SCAPER: variants seen among roughly 807,000 people sequenced by gnomAD.
SCAPER encodes S phase cyclin A-associated protein in the endoplasmic reticulum.
In SCAPER, 98 loss-of-function variants were observed where a neutral mutation model predicts 182.2. The ratio of observed to expected loss-of-function variants is 0.54; its 90% CI spans 0.46 to 0.64. The LOEUF (loss-of-function observed/expected upper bound fraction) is 0.64, where lower values mean the gene tolerates loss of function less well. Among genes scored for constraint, SCAPER ranks in the 30% least tolerant of loss-of-function variants. SCAPER has a pLI of 0.00. For synonymous variants in SCAPER, 605 were observed against 564.6 expected (o/e 1.07, Z -1.01); for missense variants, 1,432 against 1,690.0 (o/e 0.85, Z 2.68).
Position 76,841,914 on chromosome 15 carries a change from A to C in SCAPER, c.213T>G (p.Cys71Trp). ...CTCCAGTCGTAGACGATGTTATTTT[A>C]CAGTCCACTGCAGTACTCTGGTGAA... is the stretch of plus-strand genomic sequence containing the variant. ...KTTKQSTAVD[C>W]KITSSTTGDK... The change falls in exon 5 of 32, where the codon TGT (cysteine) becomes TGG (tryptophan). Residue 71 changes from cysteine (C) to tryptophan (W), a missense_variant. Physicochemically the swap from Cys to Trp is radical, Grantham distance 215. Around this residue, in one of 5 missense-constraint regions of SCAPER, gnomAD observed 480 missense variants for 510.2 expected, o/e 0.94. Transcript: ENST00000563290. 2 of 1,613,832 alleles carry C rather than the reference A, an allele frequency of 1.2e-6. No homozygotes were observed. The highest frequency in any genetic ancestry group is 2.2e-5 in the South Asian group (2 of 91,082).
chr15:76,443,865 A>C (rs1354596593), intron 25 of SCAPER, among the ~76,000 whole-genome samples: 2 of 152,222 alleles, frequency 1.3e-5, no homozygotes, highest in Non-Finnish European at 2.9e-5. Flanking sequence ...TTCTGAAGAC[A>C]AAGCACAATC....
At chr15:76,474,788 C>T (rs1596862672) in intron 24 of SCAPER, among the ~76,000 whole-genome samples, 1 of 152,134 alleles carries the variant, frequency 6.6e-6, no homozygotes, top group Admixed American at 6.5e-5. Flanking sequence ...TTAAAGCATG[C>T]TACAGATGCT....
rs148375130 is a variant in SCAPER at position 76,890,149 on chromosome 15, C to T, written c.-59-6273G>A. 7.5e-3 allele frequency among the ~76,000 whole-genome samples: 1,137 copies of T among 152,272 alleles called. 16 individuals are homozygous for T. The highest frequency in any genetic ancestry group is 0.026 in the African/African-American group (1,083 of 41,556). On this transcript the variant is annotated intron_variant, in intron 1 of 31. Coordinates refer to ENST00000563290, the MANE Select transcript of SCAPER (RefSeq NM_020843.4). ...ACAAAGACACAATGTACCAGAATCT[C>T]TAGGACACATTTAACACAGTGGGTA...
chr15:76,709,720 CA>C (rs1200792723), intron 17 of SCAPER, among the ~76,000 whole-genome samples: 2 of 152,126 alleles, frequency 1.3e-5, no homozygotes, highest in Non-Finnish European at 2.9e-5. Context: ...TGCCATAACA[CA>C]AAAGCCAGAC....
At position 76,778,643 on chromosome 15, in the gene SCAPER, A is replaced by ATGTGTG. The variant is rs60597958; in HGVS notation, c.773-3532_773-3527dup. On this transcript the variant is annotated intron_variant, in intron 8 of 31. Coordinates refer to ENST00000563290, the MANE Select transcript of SCAPER (RefSeq NM_020843.4). ...TATTTAAACACATAAGTGTGAGTGT[A>ATGTGTG]TGTGTGTGTGTGTGTGTGTGTGTAT... 7.1e-3 allele frequency among the ~76,000 whole-genome samples: 1,060 copies of ATGTGTG among 148,740 alleles called. 9 individuals carry two copies. Among genetic ancestry groups the ATGTGTG allele is most frequent in the African/African-American group, 0.025 (1,007 of 40,760 alleles).
At chr15:76,825,317 T>C (rs935107754) in intron 5 of SCAPER, among the ~76,000 whole-genome samples, 2 of 152,188 alleles carry the variant, frequency 1.3e-5, no homozygotes, top group African/African-American at 2.4e-5. Context: ...TAACTGATGA[T>C]AGCTCCTATT....
intron 20 of SCAPER, among the ~76,000 whole-genome samples, chr15:76,678,565 A>G (rs888468934): frequency 6.6e-6 from 1 of 152,132 alleles, no homozygotes; most frequent in African/African-American, 2.4e-5. Context: ...CTGAAGGGTT[A>G]AAACTTATAT....
At chr15:76,822,514 T>C (rs767256932) in intron 5 of SCAPER, among the ~76,000 whole-genome samples, 1 of 152,206 alleles carries the variant, frequency 6.6e-6, no homozygotes, top group Non-Finnish European at 1.5e-5. Context: ...AAATACAACA[T>C]TTCCACTGAC....
chr15:76,361,255 T>C (rs939720672), intron 29 of SCAPER, among the ~76,000 whole-genome samples: 10 of 152,290 alleles, frequency 6.6e-5, no homozygotes, highest in Non-Finnish European at 1.3e-4. Context: ...TTCCTCCAAC[T>C]GTGACCACAT....
intron 1 of SCAPER, among the ~76,000 whole-genome samples, chr15:76,896,288 G>A (rs571434483): frequency 1.1e-4 from 16 of 152,016 alleles, no homozygotes; most frequent in Non-Finnish European, 1.8e-4. Flanking sequence ...GAGGATCACC[G>A]GAGCCTGGGG....
At chr15:76,534,777 C>G (rs1212199754) in intron 23 of SCAPER, among the ~76,000 whole-genome samples, 1 of 152,018 alleles carries the variant, frequency 6.6e-6, no homozygotes, top group Non-Finnish European at 1.5e-5. Context: ...CATTACAAAT[C>G]AAACTCTATT....
chr15:76,652,950 A>G (rs2055300625), intron 21 of SCAPER, among the ~76,000 whole-genome samples: 1 of 152,170 alleles, frequency 6.6e-6, no homozygotes, highest in Admixed American at 6.5e-5. Context: ...TTTGCTGACA[A>G]TATGATTCTA....
At chr15:76,571,367 T>A (rs926437966) in intron 23 of SCAPER, among the ~76,000 whole-genome samples, 6 of 152,246 alleles carry the variant, frequency 3.9e-5, no homozygotes, top group African/African-American at 9.6e-5. Context: ...AGATTTTTTT[T>A]AAAGCATAAC....
intron 23 of SCAPER, among the ~76,000 whole-genome samples, chr15:76,511,837 A>ATGTG (rs1458148092): frequency 3.3e-5 from 1 of 30,202 alleles, no homozygotes; most frequent in Admixed American, 4.6e-4. Context: ...TATTATATAT[A>ATGTG]TATATATGTG....
At chr15:76,721,881 A>C (rs1432169582) in intron 17 of SCAPER, among the ~76,000 whole-genome samples, 1 of 152,180 alleles carries the variant, frequency 6.6e-6, no homozygotes, top group African/African-American at 2.4e-5. Context: ...AACAGGGACA[A>C]TTTGACTTCC....
intron 10 of SCAPER, among the ~76,000 whole-genome samples, chr15:76,767,443 T>A (rs1395817269): frequency 1.3e-5 from 2 of 152,198 alleles, no homozygotes; most frequent in Non-Finnish European, 2.9e-5. Context: ...TCATTAAATA[T>A]AAAACCGAAA....
At chr15:76,547,491 T>A (rs955938282) in intron 23 of SCAPER, among the ~76,000 whole-genome samples, 1 of 152,136 alleles carries the variant, frequency 6.6e-6, no homozygotes, top group Non-Finnish European at 1.5e-5. Flanking sequence ...TTCTGAAGAA[T>A]TTTTTTAGTT....
chr15:76,760,793 A>G, intron 14 of SCAPER, among the ~76,000 whole-genome samples: 1 of 152,200 alleles, frequency 6.6e-6, no homozygotes, highest in Non-Finnish European at 1.5e-5. Flanking sequence ...TTGGAAAAAC[A>G]ATATTATCCT....
At chr15:76,869,743 T>C (rs1850525421) in intron 2 of SCAPER, among the ~76,000 whole-genome samples, 1 of 152,138 alleles carries the variant, frequency 6.6e-6, no homozygotes, top group African/African-American at 2.4e-5. Flanking sequence ...GATCCAGCAA[T>C]TCCACTACTG....
Sources: gnomAD v4.1 joint callset for allele counts (sites outside exome capture counted in the v4.1 genomes callset) on GRCh38, gnomAD v4.1.1 for gene constraint, gnomAD v4.1.1 regional missense constraint, MANE v1.5 for transcripts, NCBI Gene and HGNC (gene_info 2026-07-23, HGNC 2026-07-21) for gene names.